Variants in BACH2 observed in about 807,000 individuals in gnomAD.
BACH2 encodes the protein BACH transcriptional regulator 2.
A neutral mutation model predicts 61.8 loss-of-function variants in BACH2; 5 were observed. The ratio of observed to expected loss-of-function variants is 0.08; its 90% CI spans 0.04 to 0.17. BACH2 has a LOEUF of 0.17. Ranked by LOEUF, BACH2 falls within the 10% of genes least tolerant of loss-of-function variation. The pLI, the probability that BACH2 is intolerant of heterozygous loss-of-function variation, is 1.00. For missense variants in BACH2, 824 were observed against 1,091.1 expected (o/e 0.76, Z 3.45); for synonymous variants, 446 against 440.1 (o/e 1.01, Z -0.17).
intron 4 of BACH2, among the ~76,000 whole-genome samples, chr6:90,186,473 C>T (rs149480641): frequency 1.2e-4 from 18 of 152,044 alleles, no homozygotes; most frequent in African/African-American, 2.7e-4. Flanking sequence ...TTTTTTAGTA[C>T]GGTGGCTGTA....
At chr6:90,105,288 G>A (rs1197103656) in intron 4 of BACH2, among the ~76,000 whole-genome samples, 1 of 152,214 alleles carries the variant, frequency 6.6e-6, no homozygotes, top group African/African-American at 2.4e-5. Context: ...GGAACACTGT[G>A]CTGAAGACAG....
chr6:90,039,057 A>G (rs980542193), intron 5 of BACH2, among the ~76,000 whole-genome samples: 1 of 151,738 alleles, frequency 6.6e-6, no homozygotes, highest in African/African-American at 2.4e-5. Flanking sequence ...AAAAAAAAAA[A>G]GTTTACATAC....
chr6:89,950,303 ACTGT>A lies in BACH2; in HGVS notation c.1799_1802del (p.Asp600ValfsTer13). The A allele has an allele frequency of 6.2e-7, 1 of 1,614,150 alleles. No individual in the cohort carries two copies. The highest frequency in any genetic ancestry group is 8.5e-7 in the Non-Finnish European group (1 of 1,180,022). Reference sequence around the variant, plus strand: ...CCCTGTCCTGCACAGGACACGACTCACTGTCTGCTTCCGAGAACGATCCGGATTC... The same window carrying A: ...CCCTGTCCTGCACAGGACACGACTCACTGCTTCCGAGAACGATCCGGATTC... On this transcript the variant is annotated frameshift_variant, in exon 7 of 9. Coordinates refer to ENST00000257749, the MANE Select transcript of BACH2 (RefSeq NM_021813.4). LOFTEE classifies it high-confidence loss of function. This position sits in a 1 kb window ranked among gnomAD's most constrained non-coding sequence, Gnocchi z 5.3.
rs556781951 is a variant in BACH2, at chr6:90,296,793, C to CGCTGCTGCTGCTGCT, written c.-774_-760dup. 1.2e-5 allele frequency: 2 copies of CGCTGCTGCTGCTGCT among 173,850 alleles called. No individual in the cohort carries two copies. The highest frequency in any genetic ancestry group is 2.3e-5 in the Non-Finnish European group (2 of 85,646). The allele number at this position is 173,850 out of a possible 1,614,324, so 10.8% of individuals were successfully genotyped here. A position where few individuals can be genotyped will look rare whatever the true frequency, so the allele number is the denominator to read the frequency against. The stretch of plus-strand genomic sequence containing the variant: ...CCCGGGCGTGCACGGCCGCTGCTGC[C>CGCTGCTGCTGCTGCT]GCTGCTGCTGCTGCTGCTGCTGCTG... On this transcript the variant is annotated 5_prime_UTR_variant, in exon 1 of 9. Coordinates refer to ENST00000257749, the MANE Select transcript of BACH2 (RefSeq NM_021813.4).
chr6:90,228,252 A>G (rs1473082997), intron 3 of BACH2, among the ~76,000 whole-genome samples: 2 of 152,214 alleles, frequency 1.3e-5, no homozygotes, highest in African/African-American at 4.8e-5. Flanking sequence ...ACTTTCCACC[A>G]TATCACTATC....
intron 4 of BACH2, among the ~76,000 whole-genome samples, chr6:90,130,160 G>A (rs111853006): frequency 0.018 from 2,782 of 152,208 alleles, 85 homozygotes; most frequent in African/African-American, 0.064. Context: ...AGTAAGCCAC[G>A]GTGCCTGGCC....
chr6:90,209,932 A>G (rs982770041), intron 3 of BACH2, among the ~76,000 whole-genome samples: 2 of 152,192 alleles, frequency 1.3e-5, no homozygotes, highest in Non-Finnish European at 2.9e-5. Context: ...AGGATGATAC[A>G]GACTCTTAAG....
chr6:90,230,136 G>C (rs1770047389), intron 3 of BACH2, among the ~76,000 whole-genome samples: 1 of 152,204 alleles, frequency 6.6e-6, no homozygotes, highest in Admixed American at 6.5e-5. Flanking sequence ...GAGAGGTTTT[G>C]AGAAAGGATG....
At chr6:89,984,204 C>T (rs1338546011) in intron 6 of BACH2, among the ~76,000 whole-genome samples, 1 of 152,086 alleles carries the variant, frequency 6.6e-6, no homozygotes, top group African/African-American at 2.4e-5. Context: ...CACATCCATT[C>T]TGTAGGAGAA....
At chr6:90,010,212 T>C (rs1777634060) in intron 5 of BACH2, among the ~76,000 whole-genome samples, 1 of 152,214 alleles carries the variant, frequency 6.6e-6, no homozygotes, top group Non-Finnish European at 1.5e-5. Flanking sequence ...AAATCCATCA[T>C]CACCAAAAGT....
intron 4 of BACH2, among the ~76,000 whole-genome samples, chr6:90,182,898 T>C (rs1447536071): frequency 6.6e-6 from 1 of 152,234 alleles, no homozygotes. Flanking sequence ...TTTAATAATT[T>C]CAATTTTTAT....
intron 6 of BACH2, among the ~76,000 whole-genome samples, chr6:89,983,259 A>G (rs1776054363): frequency 6.6e-6 from 1 of 152,222 alleles, no homozygotes; most frequent in Admixed American, 6.5e-5. Flanking sequence ...TCATTCCATC[A>G]TATTTATTGA....
At chr6:90,142,642 A>G (rs1042231247) in intron 4 of BACH2, among the ~76,000 whole-genome samples, 1 of 152,226 alleles carries the variant, frequency 6.6e-6, no homozygotes, top group Admixed American at 6.5e-5. Flanking sequence ...TTGGCCAAAC[A>G]AAACCCCCTT....
chr6:90,129,125 G>A (rs1295919702), intron 4 of BACH2, among the ~76,000 whole-genome samples: 2 of 152,058 alleles, frequency 1.3e-5, no homozygotes, highest in African/African-American at 2.4e-5. Flanking sequence ...GCTAAATGAC[G>A]AGTTAATGGG....
intron 6 of BACH2, among the ~76,000 whole-genome samples, chr6:89,955,605 G>C (rs1774385218): frequency 6.6e-6 from 1 of 152,124 alleles, no homozygotes; most frequent in Non-Finnish European, 1.5e-5. Flanking sequence ...AATCGCTCCA[G>C]ATACACAAAA....
At chr6:90,212,082 A>AT (rs1219244339) in intron 3 of BACH2, among the ~76,000 whole-genome samples, 1 of 152,234 alleles carries the variant, frequency 6.6e-6, no homozygotes, top group Admixed American at 6.5e-5. Context: ...GGGAAATCAG[A>AT]TGGACAGGTG....
chr6:90,161,143 C>T (rs992476612), intron 4 of BACH2, among the ~76,000 whole-genome samples: 4 of 151,372 alleles, frequency 2.6e-5, no homozygotes, highest in Middle Eastern at 6.4e-3. Context: ...ATTACACAGC[C>T]CTTTTACAAT....
chr6:90,022,824 T>C (rs983602418), intron 5 of BACH2, among the ~76,000 whole-genome samples: 2 of 152,190 alleles, frequency 1.3e-5, no homozygotes, highest in South Asian at 2.1e-4. Context: ...TCTAGCAAAG[T>C]TGAAGATATG....
Position 90,030,614 on chromosome 6 carries a change from T to C in BACH2, c.-12-21758A>G, listed in dbSNP as rs149797461. 5.4e-3 allele frequency among the ~76,000 whole-genome samples: 818 copies of C among 152,076 alleles called. 18 individuals are homozygous for C. Among genetic ancestry groups the C allele is most frequent in the East Asian group, 5.0e-3 (26 of 5,152 alleles). ...AACTAGAAAATCTAGAAGAAATGGA[T>C]AAATTCCTTGACACATACACCCTCC... On this transcript the variant is annotated intron_variant, in intron 5 of 8. Coordinates refer to ENST00000257749, the MANE Select transcript of BACH2 (RefSeq NM_021813.4).
Sources: gnomAD v4.1 joint callset for allele counts (sites outside exome capture counted in the v4.1 genomes callset) on GRCh38, gnomAD v4.1.1 for gene constraint, Gnocchi (gnomAD v3.1) non-coding constraint, MANE v1.5 for transcripts, NCBI Gene and HGNC (gene_info 2026-07-23, HGNC 2026-07-21) for gene names.